Variants in PRKAG2 observed in about 807,000 individuals in gnomAD.
The protein encoded by PRKAG2 is 5'-AMP-activated protein kinase subunit gamma-2.
Under a neutral mutation model 69.6 loss-of-function variants are expected in PRKAG2, and 26 were observed. The observed-to-expected ratio is 0.37, with a 90% CI of 0.27 to 0.52. The LOEUF (loss-of-function observed/expected upper bound fraction) is 0.52. Among genes scored for constraint, PRKAG2 ranks in the 20% least tolerant of loss-of-function variants. PRKAG2 has a pLI of 0.90. For missense variants in PRKAG2, 557 were observed against 740.0 expected (o/e 0.75, Z 2.87); for synonymous variants, 293 against 285.0 (o/e 1.03, Z -0.28).
At chr7:151,695,633 G>A (rs1836490284) in intron 3 of PRKAG2, among the ~76,000 whole-genome samples, 1 of 152,204 alleles carries the variant, frequency 6.6e-6, no homozygotes, top group East Asian at 1.9e-4. Context: ...AACTAGAGCT[G>A]CTCACTTATG....
chr7:151,632,496 C>T lies in PRKAG2; in HGVS notation c.685-358G>A, dbSNP rs1585376438. On this transcript the variant is annotated intron_variant, in intron 4 of 15. Transcript: ENST00000287878. The surrounding 1 kb of genome is among the most constrained non-coding windows in gnomAD (Gnocchi z 4.2). ...CGGGGCGCCCCCCTCCGGCCGTGGC[C>T]CGCGTCCTCCCCGCCGTGCCGCCAT... The T allele has an allele frequency of 1.1e-6, 1 of 888,796 alleles. No homozygotes were observed. The highest frequency in any genetic ancestry group is 1.3e-6 in the Non-Finnish European group (1 of 742,330). 55.1% of individuals were successfully genotyped at this position (888,796 alleles called of 1,614,324 possible).
chr7:151,689,759 C>A (rs989161593), intron 3 of PRKAG2, among the ~76,000 whole-genome samples: 1 of 152,162 alleles, frequency 6.6e-6, no homozygotes, highest in South Asian at 2.1e-4. Flanking sequence ...CATCATCTGA[C>A]GCCACCCCGG....
At chr7:151,695,613 T>C (rs538887044) in intron 3 of PRKAG2, among the ~76,000 whole-genome samples, 1 of 152,220 alleles carries the variant, frequency 6.6e-6, no homozygotes, top group Non-Finnish European at 1.5e-5. Context: ...GAACACATTC[T>C]AGCACAACTA....
chr7:151,703,075 A>G (rs896846490), intron 3 of PRKAG2, among the ~76,000 whole-genome samples: 4 of 152,194 alleles, frequency 2.6e-5, no homozygotes, highest in Admixed American at 1.3e-4. Context: ...AGAAAAGGGA[A>G]CACCTGGCAG....
At chr7:151,726,933 T>C (rs1798072636) in intron 3 of PRKAG2, among the ~76,000 whole-genome samples, 1 of 152,134 alleles carries the variant, frequency 6.6e-6, no homozygotes, top group Non-Finnish European at 1.5e-5. Context: ...AAGGTGATAC[T>C]GGCTGGGCGC....
chr7:151,747,917 AC>A (rs2074399183), intron 3 of PRKAG2, among the ~76,000 whole-genome samples: 1 of 112,880 alleles, frequency 8.9e-6, no homozygotes, highest in Non-Finnish European at 1.8e-5. Flanking sequence ...AAAAAAACTT[AC>A]TTTTTTTTTT....
At position 151,781,512 on chromosome 7, in the gene PRKAG2, G is replaced by T; in HGVS notation, c.187-81C>A. The stretch of plus-strand genomic sequence containing the variant: ...CCTGCCCTGTATGAAACTTATCATT[G>T]TCCTCTCTCACATGCGGGCCCCCCA... On this transcript the variant is annotated intron_variant, in intron 2 of 15. Transcript: ENST00000287878. The surrounding 1 kb of genome is among the most constrained non-coding windows in gnomAD (Gnocchi z 6.1). 1 of 1,505,564 alleles carries T rather than the reference G, an allele frequency of 6.6e-7. No homozygotes were observed. Among genetic ancestry groups the T allele is most frequent in the Non-Finnish European group, 9.0e-7 (1 of 1,115,724 alleles). The allele number at this position is 1,505,564 out of a possible 1,614,324, so 93.3% of individuals were successfully genotyped here. A position where few individuals can be genotyped will look rare whatever the true frequency, so the allele number is the denominator to read the frequency against.
At chr7:151,763,677 T>C (rs1463417533) in intron 3 of PRKAG2, among the ~76,000 whole-genome samples, 1 of 152,272 alleles carries the variant, frequency 6.6e-6, no homozygotes, top group Non-Finnish European at 1.5e-5. Flanking sequence ...GAGGGACTCT[T>C]CTGGGCCTCT....
chr7:151,782,597 G>T (rs1279338379), intron 2 of PRKAG2, among the ~76,000 whole-genome samples: 1 of 152,150 alleles, frequency 6.6e-6, no homozygotes, highest in African/African-American at 2.4e-5. Flanking sequence ...CCGCAGCCGT[G>T]TTCCTGCTGG....
chr7:151,678,453 TTG>T (rs1459600354), intron 3 of PRKAG2, among the ~76,000 whole-genome samples: 2 of 152,100 alleles, frequency 1.3e-5, no homozygotes, highest in Non-Finnish European at 2.9e-5. Flanking sequence ...ATGTTTTGTT[TTG>T]TGTGTCCGGG....
chr7:151,686,674 C>T (rs1484497780), intron 3 of PRKAG2, among the ~76,000 whole-genome samples: 8 of 152,330 alleles, frequency 5.3e-5, no homozygotes, highest in Admixed American at 2.0e-4. Flanking sequence ...CCAGCCCTGC[C>T]CCTGCAGGAC....
intron 3 of PRKAG2, among the ~76,000 whole-genome samples, chr7:151,739,505 T>A (rs2073718909): frequency 6.6e-6 from 1 of 152,178 alleles, no homozygotes; most frequent in African/African-American, 2.4e-5. Context: ...GTTTTGCTCT[T>A]GTTGCCCAGG....
intron 4 of PRKAG2, among the ~76,000 whole-genome samples, chr7:151,660,392 G>C (rs941731544): frequency 6.6e-6 from 1 of 152,128 alleles, no homozygotes; most frequent in South Asian, 2.1e-4. Context: ...TTTCTTAAAA[G>C]AATCTGATTC....
At position 151,781,411 on chromosome 7, in the gene PRKAG2, C is replaced by A. The variant is rs144384573; in HGVS notation, c.207G>T (p.Pro69=). ...SSRKVDSPFG[P]GSPSKGFFSR... is the part of the protein sequence containing the mutation. ...AGAAGAACCCTTTGGAGGGGCTGCC[C>A]GGGCCGAAGGGGCTGTCCACCTGCA... Residue 69 remains proline (P), a synonymous_variant, in exon 3 of 16, where the codon CCG becomes CCT. Coordinates refer to ENST00000287878, the MANE Select transcript of PRKAG2 (RefSeq NM_016203.4). The surrounding 1 kb of genome is among the most constrained non-coding windows in gnomAD (Gnocchi z 6.1). 6.2e-7 allele frequency: 1 copy of A among 1,609,028 alleles called. No homozygotes were observed. The highest frequency in any genetic ancestry group is 8.5e-7 in the Non-Finnish European group (1 of 1,178,134).
intron 3 of PRKAG2, among the ~76,000 whole-genome samples, chr7:151,681,985 G>T (rs563681220): frequency 6.6e-6 from 1 of 152,296 alleles, no homozygotes; most frequent in East Asian, 1.9e-4. Flanking sequence ...GACCCCATGT[G>T]CTTCCTAAGG....
At chr7:151,846,095 T>G (rs1276990612) in intron 1 of PRKAG2, among the ~76,000 whole-genome samples, 1 of 152,238 alleles carries the variant, frequency 6.6e-6, no homozygotes, top group Non-Finnish European at 1.5e-5. Context: ...CGATTTACCC[T>G]GATGGGCAGC....
At chr7:151,604,152 G>T (rs948147218) in intron 5 of PRKAG2, among the ~76,000 whole-genome samples, 5 of 152,170 alleles carry the variant, frequency 3.3e-5, no homozygotes, top group African/African-American at 1.2e-4. Flanking sequence ...GTTGGCTGGG[G>T]AGCTGTGGGA....
chr7:151,843,298 C>T (rs1002192909), intron 1 of PRKAG2, among the ~76,000 whole-genome samples: 2 of 152,136 alleles, frequency 1.3e-5, no homozygotes, highest in Non-Finnish European at 2.9e-5. Context: ...CTCACGTTGT[C>T]GTTTCCTGAA....
At chr7:151,751,423 T>C (rs141521003) in intron 3 of PRKAG2, among the ~76,000 whole-genome samples, 3,785 of 151,916 alleles carry the variant, frequency 0.025, 78 homozygotes, top group Non-Finnish European at 0.031. Context: ...GGCCCAAAGA[T>C]GCCATATTTT....
Sources: gnomAD v4.1 joint callset for allele counts (sites outside exome capture counted in the v4.1 genomes callset) on GRCh38, gnomAD v4.1.1 for gene constraint, Gnocchi (gnomAD v3.1) non-coding constraint, MANE v1.5 for transcripts, NCBI Gene and HGNC (gene_info 2026-07-23, HGNC 2026-07-21) for gene names.